TMEM219: variants seen among roughly 807,000 people sequenced by gnomAD.
The protein encoded by TMEM219 is insulin-like growth factor-binding protein 3 receptor.
In TMEM219, 18 loss-of-function variants were observed where a neutral mutation model predicts 17.9. The ratio of observed to expected loss-of-function variants is 1.01; its 90% CI spans 0.70 to 1.49. The LOEUF (loss-of-function observed/expected upper bound fraction) is 1.49. Ranked by LOEUF, TMEM219 falls within the 40% of genes most tolerant of loss-of-function variation. TMEM219 has a pLI of 0.00. For synonymous variants in TMEM219, 113 were observed against 124.0 expected (o/e 0.91, Z 0.59); for missense variants, 288 against 292.4 (o/e 0.99, Z 0.11).
At chr16:29,966,886 T>C (rs1221108019) in intron 3 of TMEM219, among the ~76,000 whole-genome samples, 1 of 152,156 alleles carries the variant, frequency 6.6e-6, no homozygotes, top group Non-Finnish European at 1.5e-5. Flanking sequence ...AGTTTTTTTT[T>C]AGTTTGTATA....
At chr16:29,971,286 T>A (rs2150867569) in intron 4 of TMEM219, 122 bp from the exon 5 acceptor site, 18 of 999,078 alleles carry the variant, frequency 1.8e-5, no homozygotes, top group East Asian at 5.2e-5. Flanking sequence ...TATATGAAAA[T>A]AACATTTTCC....
rs773402596 is a variant in TMEM219, at chr16:29,963,437, C to T, written c.203C>T (p.Thr68Ile). 1.2e-6 allele frequency: 2 copies of T among 1,614,218 alleles called. No individual in the cohort carries two copies. Among genetic ancestry groups the T allele is most frequent in the South Asian group, 1.1e-5 (1 of 91,084 alleles). Residue 68 changes from threonine to isoleucine, a missense_variant, in exon 3 of 6, where the codon ACC (threonine) becomes ATC (isoleucine). Thr to Ile is a moderately conservative substitution (Grantham distance 89). Coordinates refer to ENST00000279396, the MANE Select transcript of TMEM219 (RefSeq NM_001083613.2). The part of the protein sequence containing the change: ...VSFLRSFGQL[T>I]LCPRNGTVTG... ...TTTTTGAGATCTTTTGGCCAGCTGA[C>T]CCTGTGTCCCAGGAATGGGACAGTC...
In TMEM219 at chr16:29,968,204, G is replaced by A. The variant is rs556771141; in HGVS notation, c.535G>A (p.Val179Ile). 384 of 1,614,220 alleles carry A rather than the reference G, an allele frequency of 2.4e-4. 5 individuals are homozygous for A. In the South Asian group the frequency reaches 3.6e-3, roughly 15 times the overall value. Residue 179 changes from valine (V) to isoleucine (I), a missense_variant, in exon 4 of 6, where the codon GTT becomes ATT. Val to Ile is a conservative substitution (Grantham distance 29). Transcript: ENST00000279396. ...TLSPRMGEEC[V>I]SVWSHEGLVL... ...GAGCCCTAGAATGGGTGAGGAATGTGTTAGTGTCTGGAGCCATGAAGGCCT... is the reference window on the plus strand; with the variant it reads ...GAGCCCTAGAATGGGTGAGGAATGTATTAGTGTCTGGAGCCATGAAGGCCT...
Position 29,971,466 on chromosome 16 carries a change from T to C in TMEM219, c.644T>C (p.Phe215Ser). Residue 215 changes from phenylalanine (F) to serine (S), a missense_variant, in exon 5 of 6, where the codon TTC (phenylalanine) becomes TCC (serine). Transcript: ENST00000279396. ...GTCTTGGGCTCCTTCCTGCTTCTCT[T>C]CTGTGGCCTTCTCTGCTGTGTCACT... Reference protein sequence around the residue: ...LLVLGSFLLLFCGLLCCVTAM... With the variant: ...LLVLGSFLLLSCGLLCCVTAM... 6.2e-7 allele frequency: 1 copy of C among 1,614,142 alleles called. No individual in the cohort carries two copies. Among genetic ancestry groups the C allele is most frequent in the Non-Finnish European group, 8.5e-7 (1 of 1,180,018 alleles).
chr16:29,965,015 A>C (rs1355330258), intron 3 of TMEM219, among the ~76,000 whole-genome samples: 3 of 152,158 alleles, frequency 2.0e-5, no homozygotes, highest in Non-Finnish European at 2.9e-5. Flanking sequence ...TATGCCACAA[A>C]AGATGCAGAA....
chr16:29,970,229 G>A (rs748915960), intron 4 of TMEM219, among the ~76,000 whole-genome samples: 75 of 151,292 alleles, frequency 5.0e-4, no homozygotes, highest in African/African-American at 1.3e-3. Context: ...GTGAGACTCC[G>A]TCTCAAATAA....
intron 3 of TMEM219, among the ~76,000 whole-genome samples, chr16:29,964,141 G>A (rs146488806): frequency 1.9e-3 from 284 of 152,124 alleles, no homozygotes; most frequent in African/African-American, 6.2e-3. Context: ...TGACCAACAT[G>A]GTGAAACCCC....
intron 1 of TMEM219, among the ~76,000 whole-genome samples, chr16:29,962,504 C>T (rs998905077): frequency 7.9e-5 from 12 of 152,132 alleles, no homozygotes; most frequent in African/African-American, 2.9e-4. Context: ...GTCCGCGAGC[C>T]TCAGTTTCCC....
Position 29,971,476 on chromosome 16 carries a change from T to TCTCTGCTGTGTCACTG in TMEM219, c.657_672dup (p.Met225LeufsTer18). 1 of 1,614,148 alleles carries TCTCTGCTGTGTCACTG rather than the reference T, an allele frequency of 6.2e-7. No individual in the cohort carries two copies. Among genetic ancestry groups the TCTCTGCTGTGTCACTG allele is most frequent in the Non-Finnish European group, 8.5e-7 (1 of 1,180,028 alleles). ...CCTTCCTGCTTCTCTTCTGTGGCCT[T>TCTCTGCTGTGTCACTG]CTCTGCTGTGTCACTGCTATGTGCT... On this transcript the variant is annotated frameshift_variant, in exon 5 of 6. Transcript: ENST00000279396. LOFTEE classifies it high-confidence loss of function.
intron 5 of TMEM219, among the ~76,000 whole-genome samples, chr16:29,972,729 A>T (rs919807994): frequency 3.3e-5 from 5 of 152,196 alleles, no homozygotes; most frequent in African/African-American, 1.2e-4. Flanking sequence ...CCTACTTGGG[A>T]CAGGAAATGA....
At position 29,971,479 on chromosome 16, in the gene TMEM219, C is replaced by T. The variant is rs756665246; in HGVS notation, c.657C>T (p.Leu219=). ...GSFLLLFCGL[L]CCVTAMCFHP... is the part of the protein sequence containing the mutation. The stretch of plus-strand genomic sequence containing the variant: ...TCCTGCTTCTCTTCTGTGGCCTTCT[C>T]TGCTGTGTCACTGCTATGTGCTTCC... The change falls in exon 5 of 6, where the codon CTC becomes CTT. Residue 219 remains leucine (L), a synonymous_variant. Transcript: ENST00000279396. The T allele has an allele frequency of 2.5e-6, 4 of 1,614,032 alleles. No homozygotes were observed. The highest frequency in any genetic ancestry group is 2.7e-5 in the African/African-American group (2 of 74,902).
chr16:29,970,426 G>A (rs1037892755), intron 4 of TMEM219, among the ~76,000 whole-genome samples: 4 of 148,578 alleles, frequency 2.7e-5, no homozygotes, highest in Non-Finnish European at 4.4e-5. Context: ...CCAGGTTCAC[G>A]CCATTCTCCT....
intron 5 of TMEM219, among the ~76,000 whole-genome samples, chr16:29,972,393 T>C (rs1309780907): frequency 6.6e-6 from 1 of 152,194 alleles, no homozygotes; most frequent in Non-Finnish European, 1.5e-5. Context: ...GTTAACAAGA[T>C]CTTTGGAGGG....
chr16:29,963,941 G>T (rs1174954938), intron 3 of TMEM219, among the ~76,000 whole-genome samples: 1 of 150,418 alleles, frequency 6.6e-6, no homozygotes, highest in African/African-American at 2.4e-5. Flanking sequence ...CCAGCACTTT[G>T]GGAGTCCGAG....
intron 3 of TMEM219, among the ~76,000 whole-genome samples, chr16:29,964,267 G>T (rs1349775166): frequency 6.6e-6 from 1 of 151,334 alleles, no homozygotes; most frequent in Non-Finnish European, 1.5e-5. Context: ...AGGTTGCAGT[G>T]AGCCGAGATC....
intron 1 of TMEM219, among the ~76,000 whole-genome samples, chr16:29,962,479 C>T (rs2069158340): frequency 6.6e-6 from 1 of 152,100 alleles, no homozygotes; most frequent in Admixed American, 6.6e-5. Context: ...TTGGCCCTAC[C>T]CCTCCTGTGT....
At chr16:29,967,216 C>G (rs953738590) in intron 3 of TMEM219, among the ~76,000 whole-genome samples, 3 of 151,954 alleles carry the variant, frequency 2.0e-5, no homozygotes, top group Non-Finnish European at 2.9e-5. Flanking sequence ...TATATTGATA[C>G]AAAGTTATTT....
Position 29,963,121 on chromosome 16 carries a change from A to G in TMEM219, c.-23A>G. The G allele has an allele frequency of 6.2e-7, 1 of 1,606,948 alleles. No homozygotes were observed. The highest frequency in any genetic ancestry group is 8.5e-7 in the Non-Finnish European group (1 of 1,178,970). ...CTGTCTTCCAGCAGGCTCTCCCCGG[A>G]GGCTCAGCCCCCTCTGCTCCCCATG... On this transcript the variant is annotated 5_prime_UTR_variant, in exon 2 of 6. Coordinates refer to ENST00000279396, the MANE Select transcript of TMEM219 (RefSeq NM_001083613.2).
At position 29,963,246 on chromosome 16, in the gene TMEM219, C is replaced by T. The variant is rs1164106098; in HGVS notation, c.103C>T (p.Leu35=). 1.2e-6 allele frequency: 2 copies of T among 1,614,132 alleles called. No individual in the cohort carries two copies. Among genetic ancestry groups the T allele is most frequent in the East Asian group, 2.2e-5 (1 of 44,888 alleles). Residue 35 remains leucine (L), a synonymous_variant, in exon 2 of 6, where the codon CTG becomes TTG. Coordinates refer to ENST00000279396, the MANE Select transcript of TMEM219 (RefSeq NM_001083613.2). The part of the protein sequence containing the change: ...LILLLLGLSG[L]GLGSFLLTHR... ...CCTGCTGCTCCTTGGCCTCTCTGGCCTGGGCCTTGGCAGCTTCCTCCTCAC... is the reference window on the plus strand; with the variant it reads ...CCTGCTGCTCCTTGGCCTCTCTGGCTTGGGCCTTGGCAGCTTCCTCCTCAC...
Sources: allele counts gnomAD v4.1 joint callset (sites outside exome capture counted in the v4.1 genomes callset), GRCh38; gene constraint gnomAD v4.1.1; transcripts MANE v1.5; gene names NCBI Gene and HGNC (gene_info 2026-07-23, HGNC 2026-07-21).